The following GALNT2 variants were observed in gnomAD, a reference collection of about 807,000 sequenced individuals.
The protein encoded by GALNT2 is UDP-GalNAc:polypeptide N-acetylgalactosaminyltransferase 2.
Under a neutral mutation model 81.4 loss-of-function variants are expected in GALNT2, and 31 were observed. The observed-to-expected ratio is 0.38, with a 90% confidence interval of 0.29 to 0.51. The LOEUF (loss-of-function observed/expected upper bound fraction) is 0.51, where lower values mean the gene tolerates loss of function less well. GALNT2 is among the 20% of genes least tolerant of loss of function. GALNT2 has a pLI of 0.87. For synonymous variants in GALNT2, 303 were observed against 287.4 expected, an observed-to-expected ratio of 1.05 and a Z score of -0.55; for missense variants, 629 against 765.7, an observed-to-expected ratio of 0.82 and a Z score of 2.11.
chr1:230,157,243 C>T lies in GALNT2; in HGVS notation c.127-20975C>T, dbSNP rs568848560. Among the ~76,000 whole-genome samples the T allele has an allele frequency of 2.0e-4, 30 of 152,226 alleles. No individual in the cohort carries two copies. The East Asian group carries it at 2.7e-3, about 14-fold the overall frequency. ...CCATTGAGCATGATACCTGGCGTGT[C>T]GTAAGCACCATTATAGCAAACTTAT... On this transcript the variant is annotated intron_variant, in intron 1 of 15. Coordinates refer to ENST00000366672, the MANE Select transcript of GALNT2 (RefSeq NM_004481.5).
intron 1 of GALNT2, among the ~76,000 whole-genome samples, chr1:230,092,218 G>A (rs955047937): frequency 7.1e-5 from 3 of 42,298 alleles, no homozygotes; most frequent in East Asian, 7.2e-4. Flanking sequence ...TCTGATTTTC[G>A]TTAGGCTCGT....
intron 1 of GALNT2, among the ~76,000 whole-genome samples, chr1:230,137,270 C>CAG (rs1000809093): frequency 3.7e-4 from 57 of 152,350 alleles, no homozygotes; most frequent in African/African-American, 1.3e-3. Flanking sequence ...CATGGAGCTT[C>CAG]ACGTAGGCTG....
intron 1 of GALNT2, among the ~76,000 whole-genome samples, chr1:230,071,418 G>A (rs932916318): frequency 1.3e-4 from 20 of 152,290 alleles, no homozygotes; most frequent in Non-Finnish European, 2.6e-4. Flanking sequence ...TTGCCTTGGC[G>A]GTTAGGCAGT....
At chr1:230,203,468 G>A (rs567902079) in intron 3 of GALNT2, among the ~76,000 whole-genome samples, 178 bp downstream of exon 3, 16 of 152,340 alleles carry the variant, frequency 1.1e-4, no homozygotes, top group African/African-American at 3.6e-4. Flanking sequence ...GCAGTGGAAG[G>A]ATGGTTCTAG....
At position 230,071,292 on chromosome 1, in the gene GALNT2, C is replaced by T. The variant is rs370446770; in HGVS notation, c.126+3886C>T. Among the ~76,000 whole-genome samples the T allele has an allele frequency of 7.2e-5, 11 of 152,250 alleles. No individual in the cohort carries two copies. In the East Asian group the frequency reaches 1.2e-3, roughly 16 times the overall value. On this transcript the variant is annotated intron_variant, in intron 1 of 15. Coordinates refer to ENST00000366672, the MANE Select transcript of GALNT2 (RefSeq NM_004481.5). ...TATGAATCTTAAATGCTGTTAGAGACGGACTTTTTGGGAAGTTGTCCAGAC... is the reference window on the plus strand; with the variant it reads ...TATGAATCTTAAATGCTGTTAGAGATGGACTTTTTGGGAAGTTGTCCAGAC...
intron 1 of GALNT2, among the ~76,000 whole-genome samples, chr1:230,135,326 G>A (rs536309925): frequency 6.6e-6 from 1 of 152,260 alleles, no homozygotes; most frequent in Admixed American, 6.5e-5. Context: ...ATTTTGGGCC[G>A]ATTCCTGTGG....
At chr1:230,141,629 C>T (rs367544016) in intron 1 of GALNT2, among the ~76,000 whole-genome samples, 1 of 152,104 alleles carries the variant, frequency 6.6e-6, no homozygotes, top group African/African-American at 2.4e-5. Context: ...AGTTTTCTCC[C>T]TATTTAGGGC....
At chr1:230,255,161 G>A (rs1347396472) in intron 10 of GALNT2, 57 bp from the exon 11 acceptor site, 6 of 1,612,786 alleles carry the variant, frequency 3.7e-6, no homozygotes, top group Non-Finnish European at 4.2e-6. Context: ...TGTGTCTGCT[G>A]TTGCAGAGGT....
intron 1 of GALNT2, among the ~76,000 whole-genome samples, chr1:230,113,175 A>T (rs1343695876): frequency 6.6e-6 from 1 of 152,004 alleles, no homozygotes; most frequent in Non-Finnish European, 1.5e-5. Flanking sequence ...GGCACATCGG[A>T]TCTGTGCTCT....
chr1:230,133,212 AC>A (rs1345383588), intron 1 of GALNT2, among the ~76,000 whole-genome samples: 1 of 152,204 alleles, frequency 6.6e-6, no homozygotes, highest in Non-Finnish European at 1.5e-5. Context: ...CCTTTGCAAT[AC>A]ATTCTTTACT....
At chr1:230,172,656 G>A (rs144559793) in intron 1 of GALNT2, among the ~76,000 whole-genome samples, 2 of 152,200 alleles carry the variant, frequency 1.3e-5, no homozygotes, top group Admixed American at 6.5e-5. Context: ...TCATCCCCAC[G>A]GCGCCTTTCC....
At chr1:230,270,680 G>T (rs1326563124) in intron 14 of GALNT2, among the ~76,000 whole-genome samples, 1 of 152,178 alleles carries the variant, frequency 6.6e-6, no homozygotes, top group Admixed American at 6.5e-5. Flanking sequence ...AAACGAGAGG[G>T]TAAGTAATAT....
chr1:230,191,631 C>T (rs1363082092), intron 2 of GALNT2, among the ~76,000 whole-genome samples: 1 of 152,226 alleles, frequency 6.6e-6, no homozygotes, highest in Non-Finnish European at 1.5e-5. Context: ...CCTGCTTCAG[C>T]CTCCCACACA....
chr1:230,104,423 G>C (rs1660482472), intron 1 of GALNT2, among the ~76,000 whole-genome samples: 1 of 152,182 alleles, frequency 6.6e-6, no homozygotes, highest in African/African-American at 2.4e-5. Flanking sequence ...ATTTTAGCCT[G>C]ATAATCTTGA....
intron 2 of GALNT2, among the ~76,000 whole-genome samples, chr1:230,181,387 A>G (rs1458040494): frequency 6.6e-6 from 1 of 152,142 alleles, no homozygotes; most frequent in African/African-American, 2.4e-5. Context: ...GACATGATGG[A>G]TTACGTTAAT....
chr1:230,092,975 T>C (rs576077981), intron 1 of GALNT2, among the ~76,000 whole-genome samples: 3 of 152,286 alleles, frequency 2.0e-5, no homozygotes, highest in African/African-American at 7.2e-5. Context: ...CCATCTGTGT[T>C]TAGTTTAATG....
rs1663586706 is a variant in GALNT2 at position 230,193,336 on chromosome 1, G to C, written c.221-9801G>C. On this transcript the variant is annotated intron_variant, in intron 2 of 15. Transcript: ENST00000366672. The surrounding 1 kb of genome is among the most constrained non-coding windows in gnomAD (Gnocchi z 4.3). ...CCAGGAAGATACCTCCCCTCCCCTT[G>C]TACACCTGCGGGTGGTAGATGACAG... Among the ~76,000 whole-genome samples the C allele has an allele frequency of 6.6e-6, 1 of 152,154 alleles. No homozygotes were observed. Among genetic ancestry groups the C allele is most frequent in the Non-Finnish European group, 1.5e-5 (1 of 68,022 alleles).
chr1:230,073,516 A>G (rs766270657), intron 1 of GALNT2, among the ~76,000 whole-genome samples: 2 of 152,188 alleles, frequency 1.3e-5, no homozygotes, highest in South Asian at 2.1e-4. Context: ...GCACTTAGTC[A>G]TGTCTACTAG....
chr1:230,129,001 G>A (rs12567442), intron 1 of GALNT2, among the ~76,000 whole-genome samples: 12,303 of 152,248 alleles, frequency 0.081, 605 homozygotes, highest in Non-Finnish European at 0.11. Context: ...TGAAGCCCCC[G>A]CGACACTTGT....
Sources: gnomAD v4.1 joint callset for allele counts (sites outside exome capture counted in the v4.1 genomes callset) on GRCh38, gnomAD v4.1.1 for gene constraint, Gnocchi (gnomAD v3.1) non-coding constraint, MANE v1.5 for transcripts, NCBI Gene and HGNC (gene_info 2026-07-23, HGNC 2026-07-21) for gene names.